CERS3: variants seen among roughly 807,000 people sequenced by gnomAD.
CERS3 encodes ceramide synthase 3.
In CERS3, 33 loss-of-function variants were observed where a neutral mutation model predicts 50.3. That is an observed-to-expected ratio of 0.66 (90% CI 0.50 to 0.88). The LOEUF is 0.88. Among genes scored for constraint, CERS3 ranks in the 40% least tolerant of loss-of-function variants. CERS3 has a pLI of 0.00. For synonymous variants in CERS3, 176 were observed against 155.2 expected, an observed-to-expected ratio of 1.13 and a Z score of -0.99; for missense variants, 470 against 460.3, an observed-to-expected ratio of 1.02 and a Z score of -0.19.
chr15:100,471,957 GC>G (rs953489492), intron 9 of CERS3, among the ~76,000 whole-genome samples: 8 of 151,982 alleles, frequency 5.3e-5, no homozygotes, highest in African/African-American at 1.7e-4. Flanking sequence ...ATTTGAAAAA[GC>G]AAAAAACAAA....
At chr15:100,423,608 G>T (rs984411400) in intron 11 of CERS3, among the ~76,000 whole-genome samples, 4 of 152,140 alleles carry the variant, frequency 2.6e-5, no homozygotes, top group Non-Finnish European at 5.9e-5. Flanking sequence ...TGAGGGCGGA[G>T]GGTAGGGGAA....
chr15:100,456,642 T>C (rs2034381754), intron 10 of CERS3, among the ~76,000 whole-genome samples: 1 of 152,188 alleles, frequency 6.6e-6, no homozygotes, highest in Non-Finnish European at 1.5e-5. Flanking sequence ...ATGCACAGTG[T>C]CTTCAGATAT....
rs552473476 is a variant in CERS3, at chr15:100,433,340, CG to C, written c.999+22552del. Among the ~76,000 whole-genome samples the C allele has an allele frequency of 1.2e-4, 19 of 152,196 alleles. No homozygotes were observed. The South Asian group carries it at 3.9e-3, about 32-fold the overall frequency. ...TGGTAGCCTGATTACAAATTCCCCC[CG>C]CCGCCCCACCATTCTCCCCAAACAG... On this transcript the variant is annotated intron_variant, in intron 11 of 11. Transcript: ENST00000679737.
rs1429743197 is a variant in CERS3 at position 100,401,866 on chromosome 15, C to T, written c.*847G>A. 1 of 152,266 alleles carries T rather than the reference C, an allele frequency of 6.6e-6. No individual in the cohort carries two copies. The highest frequency in any genetic ancestry group is 1.5e-5 in the Non-Finnish European group (1 of 68,076). The allele number at this position is 152,266 out of a possible 1,614,324, so 9.4% of individuals were successfully genotyped here. A position where few individuals can be genotyped will look rare whatever the true frequency, so the allele number is the denominator to read the frequency against. On this transcript the variant is annotated 3_prime_UTR_variant, in exon 12 of 12. Transcript: ENST00000679737. ...GAAGGAACAGGGCCTAAGCTTCCTT[C>T]CTTGAACCATGGGTCCTGAGGGAGA...
intron 11 of CERS3, among the ~76,000 whole-genome samples, chr15:100,428,699 T>G (rs1331298578): frequency 6.6e-6 from 1 of 152,254 alleles, no homozygotes; most frequent in Non-Finnish European, 1.5e-5. Context: ...GGAGATATAA[T>G]GGTCTGTTCT....
chr15:100,417,559 C>T (rs376640113), intron 11 of CERS3, among the ~76,000 whole-genome samples: 4,218 of 152,010 alleles, frequency 0.028, 104 homozygotes, highest in South Asian at 0.048. Context: ...CCTGGAAGCT[C>T]GAACTGGGTG....
chr15:100,417,228 C>T (rs2142075429), intron 11 of CERS3, among the ~76,000 whole-genome samples: 1 of 151,522 alleles, frequency 6.6e-6, no homozygotes, highest in South Asian at 2.1e-4. Context: ...GGTGCGTGCA[C>T]CGTGCGTGAG....
At position 100,456,896 on chromosome 15, in the gene CERS3, G is replaced by A. The variant is rs1023817131; in HGVS notation, c.846-850C>T. Among the ~76,000 whole-genome samples the A allele has an allele frequency of 4.0e-5, 6 of 148,930 alleles. No individual in the cohort carries two copies. In the South Asian group the frequency reaches 6.3e-4, roughly 16 times the overall value. On this transcript the variant is annotated intron_variant, in intron 10 of 11. Coordinates refer to ENST00000679737, the MANE Select transcript of CERS3 (RefSeq NM_001378789.1). ...TGGGAGGTGGAGGTTGCAGTGAGCC[G>A]AGATTGTGCCACTGCACTCCAGCCT...
intron 3 of CERS3, among the ~76,000 whole-genome samples, chr15:100,496,226 T>A (rs2142313394): frequency 6.6e-6 from 1 of 152,346 alleles, no homozygotes; most frequent in South Asian, 2.1e-4. Flanking sequence ...CAAATTCTTG[T>A]ACTCAAATTG....
At chr15:100,435,396 G>T (rs1016386573) in intron 11 of CERS3, among the ~76,000 whole-genome samples, 2 of 152,136 alleles carry the variant, frequency 1.3e-5, no homozygotes, top group African/African-American at 4.8e-5. Context: ...TGGAATAAAA[G>T]CTTGTTTTAC....
intron 5 of CERS3, among the ~76,000 whole-genome samples, chr15:100,480,568 T>A (rs1596734839): frequency 6.6e-6 from 1 of 152,174 alleles, no homozygotes; most frequent in East Asian, 1.9e-4. Flanking sequence ...ACCTGTAGAC[T>A]AAGAGACTGG....
At chr15:100,542,820 C>T (rs1317104442) in intron 1 of CERS3, among the ~76,000 whole-genome samples, 1 of 151,592 alleles carries the variant, frequency 6.6e-6, no homozygotes, top group African/African-American at 2.4e-5. Flanking sequence ...TATATATATA[C>T]ACATGTATAT....
chr15:100,446,370 T>G (rs1482150033), intron 11 of CERS3, among the ~76,000 whole-genome samples: 1 of 139,886 alleles, frequency 7.1e-6, no homozygotes, highest in African/African-American at 2.7e-5. Flanking sequence ...TCAGGTTTTT[T>G]TTTTTTTTTT....
At chr15:100,502,251 G>GAAAAAAAAAA (rs58654483) in intron 2 of CERS3, among the ~76,000 whole-genome samples, 11 of 113,694 alleles carry the variant, frequency 9.7e-5, no homozygotes, top group South Asian at 2.9e-4. Flanking sequence ...CTCAAAAAAA[G>GAAAAAAAAAA]AAAAAAAAAA....
upstream of CERS3, among the ~76,000 whole-genome samples, chr15:100,529,856 T>C (rs900155813): frequency 5.3e-5 from 8 of 152,116 alleles, no homozygotes; most frequent in African/African-American, 1.4e-4. Flanking sequence ...CTGAAAGACA[T>C]TTTTCTTTTT....
chr15:100,432,892 T>A (rs113723175), intron 11 of CERS3, among the ~76,000 whole-genome samples: 1,523 of 152,196 alleles, frequency 0.01, 28 homozygotes, highest in African/African-American at 0.035. Flanking sequence ...TCTCCATAAC[T>A]GAGATATTGT....
Position 100,469,362 on chromosome 15 carries a change from T to C in CERS3, c.845+16A>G. The C allele has an allele frequency of 6.2e-7, 1 of 1,601,228 alleles. No homozygotes were observed. Among genetic ancestry groups the C allele is most frequent in the Non-Finnish European group, 8.6e-7 (1 of 1,168,526 alleles). ...GCACACTGACCAAAGGCAGGGCACATCACCGGTCTACTCACCAGAAAGGAA... is the reference window on the plus strand; with the variant it reads ...GCACACTGACCAAAGGCAGGGCACACCACCGGTCTACTCACCAGAAAGGAA... On this transcript the variant is annotated intron_variant, in intron 10 of 11. Coordinates refer to ENST00000679737, the MANE Select transcript of CERS3 (RefSeq NM_001378789.1).
intron 11 of CERS3, among the ~76,000 whole-genome samples, chr15:100,413,779 A>AAG (rs2031677277): frequency 6.6e-6 from 1 of 151,422 alleles, no homozygotes; most frequent in African/African-American, 2.4e-5. Flanking sequence ...ACAAGAAAAA[A>AAG]AAAAAAACCC....
At chr15:100,425,502 C>T (rs1033308649) in intron 11 of CERS3, among the ~76,000 whole-genome samples, 17 of 152,184 alleles carry the variant, frequency 1.1e-4, no homozygotes, top group Admixed American at 1.0e-3. Context: ...CTTCAGACTT[C>T]CATGGGGCCT....
Sources: gnomAD v4.1 joint callset for allele counts (sites outside exome capture counted in the v4.1 genomes callset) on GRCh38, gnomAD v4.1.1 for gene constraint, MANE v1.5 for transcripts, NCBI Gene and HGNC (gene_info 2026-07-23, HGNC 2026-07-21) for gene names.